Variants in CDH13 observed in about 807,000 individuals in gnomAD.
CDH13 encodes cadherin 13, also known as cadherin-13.
In CDH13, 24 loss-of-function variants were observed where a neutral mutation model predicts 63.8. The ratio of observed to expected loss-of-function variants is 0.38; its 90% CI spans 0.27 to 0.53. The LOEUF is 0.53. Ranked by LOEUF, CDH13 falls within the 20% of genes least tolerant of loss-of-function variation. The pLI is 0.85. For missense variants in CDH13, 1,049 were observed against 903.1 expected, an observed-to-expected ratio of 1.16 and a Z score of -2.07; for synonymous variants, 503 against 355.3, an observed-to-expected ratio of 1.42 and a Z score of -4.67.
intron 10 of CDH13, among the ~76,000 whole-genome samples, chr16:83,699,962 A>T (rs1327142876): frequency 1.3e-5 from 2 of 152,144 alleles, no homozygotes; most frequent in Non-Finnish European, 2.9e-5. Flanking sequence ...AAAAGTGCAC[A>T]AGTTGATGAG....
At chr16:83,033,700 G>C (rs190485996) in intron 3 of CDH13, among the ~76,000 whole-genome samples, 1 of 152,088 alleles carries the variant, frequency 6.6e-6, no homozygotes, top group Non-Finnish European at 1.5e-5. Flanking sequence ...TGCCATTCAG[G>C]CTTCCCGATT....
intron 10 of CDH13, among the ~76,000 whole-genome samples, chr16:83,704,381 A>C (rs1409509060): frequency 6.6e-6 from 1 of 152,080 alleles, no homozygotes; most frequent in Non-Finnish European, 1.5e-5. Flanking sequence ...TGGTTCTCCA[A>C]CTCCCATGCA....
intron 1 of CDH13, among the ~76,000 whole-genome samples, chr16:82,656,002 A>G (rs546053899): frequency 3.3e-5 from 5 of 152,130 alleles, no homozygotes; most frequent in Non-Finnish European, 7.4e-5. Flanking sequence ...AGTGTGAGAG[A>G]CAGAAACTTC....
chr16:83,010,705 G>GA (rs1466472738), intron 2 of CDH13, among the ~76,000 whole-genome samples: 1 of 152,164 alleles, frequency 6.6e-6, no homozygotes, highest in Non-Finnish European at 1.5e-5. Context: ...GAGCCCTACT[G>GA]AATCAAAAGA....
At position 82,920,309 on chromosome 16, in the gene CDH13, G is replaced by A. The variant is rs940041028; in HGVS notation, c.157+61836G>A. ...GTTCTCCCCTCATAATGCAAAGGTA[G>A]TTGCCAGCAGCTCCAGGCTCACATC... On this transcript the variant is annotated intron_variant, in intron 2 of 13. Coordinates refer to ENST00000567109, the MANE Select transcript of CDH13 (RefSeq NM_001257.5). Among the ~76,000 whole-genome samples the A allele has an allele frequency of 4.3e-4, 65 of 152,170 alleles. 1 individual carries two copies. The highest frequency in any genetic ancestry group is 1.6e-3 in the African/African-American group (65 of 41,444).
chr16:83,763,003 G>C (rs750165939), intron 11 of CDH13, among the ~76,000 whole-genome samples: 32 of 152,180 alleles, frequency 2.1e-4, no homozygotes, highest in Non-Finnish European at 3.5e-4. Context: ...GAACCTGGCA[G>C]CCCAAACCAT....
chr16:83,586,913 G>C (rs765440060), intron 7 of CDH13, among the ~76,000 whole-genome samples: 1 of 152,092 alleles, frequency 6.6e-6, no homozygotes, highest in Admixed American at 6.5e-5. Context: ...TTTAGAATTA[G>C]TTCAATTTAT....
chr16:83,459,865 C>T (rs1221903805), intron 6 of CDH13, among the ~76,000 whole-genome samples: 1 of 152,122 alleles, frequency 6.6e-6, no homozygotes, highest in East Asian at 1.9e-4. Context: ...TGTTACTCAA[C>T]TGGTAGAAAA....
intron 11 of CDH13, among the ~76,000 whole-genome samples, chr16:83,768,360 A>G (rs922208841): frequency 2.0e-5 from 3 of 152,180 alleles, no homozygotes; most frequent in African/African-American, 4.8e-5. Context: ...TTAAATAGAC[A>G]AAAAAACACA....
chr16:83,329,082 C>A (rs566034566), intron 5 of CDH13, among the ~76,000 whole-genome samples: 2 of 152,310 alleles, frequency 1.3e-5, no homozygotes, highest in East Asian at 3.9e-4. Context: ...AAGCACAAAT[C>A]TCTGGGCCAC....
At chr16:83,650,388 A>C (rs932120491) in intron 8 of CDH13, among the ~76,000 whole-genome samples, 2 of 152,158 alleles carry the variant, frequency 1.3e-5, no homozygotes, top group Non-Finnish European at 2.9e-5. Context: ...AAATGTTACT[A>C]TGCTCTTCCA....
chr16:82,913,639 A>G (rs1300874807), intron 2 of CDH13, among the ~76,000 whole-genome samples: 3 of 152,198 alleles, frequency 2.0e-5, no homozygotes, highest in African/African-American at 7.2e-5. Context: ...ACAAGATGCG[A>G]TCGCTGACGA....
At chr16:83,507,707 CT>C (rs1282088940) in intron 7 of CDH13, among the ~76,000 whole-genome samples, 2 of 152,096 alleles carry the variant, frequency 1.3e-5, no homozygotes, top group Non-Finnish European at 2.9e-5. Context: ...TAAAAATTGT[CT>C]TATCACTTAG....
intron 4 of CDH13, among the ~76,000 whole-genome samples, chr16:83,162,280 C>G (rs988584835): frequency 1.3e-5 from 2 of 152,092 alleles, no homozygotes; most frequent in African/African-American, 4.8e-5. Flanking sequence ...TCATTAGCAT[C>G]TTGTCGTCAT....
intron 3 of CDH13, among the ~76,000 whole-genome samples, chr16:83,055,544 G>T (rs574363559): frequency 3.3e-5 from 5 of 151,306 alleles, no homozygotes; most frequent in Admixed American, 1.3e-4. Flanking sequence ...AAAAATCAGT[G>T]TACCAAAGCA....
At chr16:83,191,948 G>C (rs114002470) in intron 4 of CDH13, among the ~76,000 whole-genome samples, 2,183 of 152,110 alleles carry the variant, frequency 0.014, 38 homozygotes, top group African/African-American at 0.041. Flanking sequence ...ATCAAGTTGA[G>C]GCTCAGTATT....
At chr16:83,627,993 G>A (rs1017092743) in intron 8 of CDH13, among the ~76,000 whole-genome samples, 1 of 152,190 alleles carries the variant, frequency 6.6e-6, no homozygotes, top group Non-Finnish European at 1.5e-5. Context: ...CATGGCATTT[G>A]TAAACTGTCA....
At chr16:82,696,321 A>G (rs1377633971) in intron 1 of CDH13, among the ~76,000 whole-genome samples, 1 of 152,252 alleles carries the variant, frequency 6.6e-6, no homozygotes, top group Non-Finnish European at 1.5e-5. Context: ...TATAAATGAA[A>G]GATTACTTTC....
chr16:82,784,199 T>G (rs1002628607), intron 1 of CDH13, among the ~76,000 whole-genome samples: 4 of 152,220 alleles, frequency 2.6e-5, no homozygotes, highest in African/African-American at 9.6e-5. Flanking sequence ...ATGAAGCTGC[T>G]CAGAAACTCA....
Sources: gnomAD v4.1 joint callset for allele counts (sites outside exome capture counted in the v4.1 genomes callset) on GRCh38, gnomAD v4.1.1 for gene constraint, MANE v1.5 for transcripts, NCBI Gene and HGNC (gene_info 2026-07-23, HGNC 2026-07-21) for gene names.